NBPF9: variants seen among roughly 807,000 people sequenced by gnomAD.
The protein encoded by NBPF9 is NBPF family member NBPF9.
Under a neutral mutation model 97.8 loss-of-function variants are expected in NBPF9, and 91 were observed. The observed-to-expected ratio is 0.93, with a 90% CI of 0.79 to 1.11. The LOEUF (loss-of-function observed/expected upper bound fraction) is 1.11, where lower values mean the gene tolerates loss of function less well. Among genes scored for constraint, NBPF9 ranks in the 50% least tolerant of loss-of-function variants. The pLI, the probability that NBPF9 is intolerant of heterozygous loss-of-function variation, is 0.00. For missense variants in NBPF9, 992 were observed against 939.5 expected, an observed-to-expected ratio of 1.06 and a Z score of -0.73; for synonymous variants, 334 against 359.5, an observed-to-expected ratio of 0.93 and a Z score of 0.80.
intron 4 of NBPF9, among the ~76,000 whole-genome samples, chr1:149,094,839 A>C (rs1457097784): frequency 2.1e-5 from 3 of 144,134 alleles, no homozygotes; most frequent in Non-Finnish European, 4.4e-5. Context: ...GTCACAGCTC[A>C]CAGGGAAGAG....
chr1:149,070,990 G>T (rs1559526034), exon 16 of NBPF9: 8 of 1,612,346 alleles, frequency 5.0e-6, no homozygotes, highest in African/African-American at 1.3e-5. Flanking sequence ...GCCAATGAGA[G>T]TTGAGTCGAC....
chr1:149,099,507 G>T (rs2082005959), intron 3 of NBPF9, among the ~76,000 whole-genome samples: 1 of 152,074 alleles, frequency 6.6e-6, no homozygotes, highest in Non-Finnish European at 1.5e-5. Context: ...GCCAGGCAAG[G>T]TCAAGTACTG....
intron 20 of NBPF9, among the ~76,000 whole-genome samples, chr1:149,063,216 G>C (rs587635626): frequency 6.8e-5 from 9 of 131,600 alleles, no homozygotes; most frequent in African/African-American, 2.4e-4. Flanking sequence ...CCCCCAAATG[G>C]TTGCTAGGAG....
At chr1:149,097,801 C>G (rs1284939124) in intron 4 of NBPF9, among the ~76,000 whole-genome samples, 2 of 152,168 alleles carry the variant, frequency 1.3e-5, no homozygotes, top group Non-Finnish European at 2.9e-5. Flanking sequence ...AAGAAGGCGT[C>G]CACCACAAGG....
chr1:149,055,741 G>C (rs782157274), exon 30 of NBPF9: 5 of 1,611,822 alleles, frequency 3.1e-6, no homozygotes, highest in Non-Finnish European at 4.2e-6. Context: ...CACGTAAAGG[G>C]CGAAGCTGAT....
intron 5 of NBPF9, among the ~76,000 whole-genome samples, chr1:149,089,253 TGAG>T (rs1553659517): frequency 6.6e-6 from 1 of 152,116 alleles, no homozygotes; most frequent in Non-Finnish European, 1.5e-5. Context: ...AATGCCTTGG[TGAG>T]GAGAATGCCT....
chr1:149,082,699 C>T (rs1354220730), intron 5 of NBPF9, among the ~76,000 whole-genome samples: 1 of 144,892 alleles, frequency 6.9e-6, no homozygotes, highest in Non-Finnish European at 1.5e-5. Flanking sequence ...GAAACAGTTT[C>T]CCAACAGGTT....
chr1:149,063,553 T>G (rs2078784807), intron 20 of NBPF9, 80 bp downstream of exon 20: 1 of 693,334 alleles, frequency 1.4e-6, no homozygotes, highest in Non-Finnish European at 2.6e-6. Flanking sequence ...CTCAGCTCAG[T>G]AACGGCCACT....
At position 149,079,178 on chromosome 1, in the gene NBPF9, G is replaced by C. The variant is rs782039809; in HGVS notation, c.322C>G (p.Gln108Glu). The C allele has an allele frequency of 1.5e-5, 19 of 1,227,248 alleles. No individual in the cohort carries two copies. In the Middle Eastern group the frequency reaches 1.4e-3, roughly 88 times the overall value. 76.0% of individuals were successfully genotyped at this position (1,227,248 alleles called of 1,614,324 possible). A position where few individuals can be genotyped will look rare whatever the true frequency, so the allele number is the denominator to read the frequency against. ...CCTTCCCGTAACTTCTCCTTTAACT[G>C]CGTCAGCTCTCGTTCCTGAGAGTGA... Residue 108 changes from glutamine to glutamate, a missense_variant, in exon 9 of 30, where the codon CAG becomes GAG. Around this residue, in one of 11 missense-constraint regions of NBPF9, gnomAD observed 109 missense variants for 133.1 expected, o/e 0.82. Coordinates refer to ENST00000584027, the Ensembl canonical transcript of NBPF9.
Position 149,073,977 on chromosome 1 carries a change from A to G in NBPF9, c.989-107T>C, listed in dbSNP as rs2079635830. On this transcript the variant is annotated intron_variant, in intron 12 of 29. Transcript: ENST00000584027. ...CCATCCCAAGGACAAAACTCTCCCC[A>G]GTACCAGGGTCTAGACAGGGATTTC... The G allele has an allele frequency of 1.6e-5, 10 of 637,676 alleles. No homozygotes were observed. The South Asian group carries it at 1.8e-4, about 11-fold the overall frequency. 39.5% of individuals were successfully genotyped at this position (637,676 alleles called of 1,614,324 possible).
chr1:149,076,467 G>A (rs1343396709), intron 11 of NBPF9, among the ~76,000 whole-genome samples: 1 of 150,448 alleles, frequency 6.6e-6, no homozygotes, highest in Non-Finnish European at 1.5e-5. Flanking sequence ...AAAGTGTTGG[G>A]ATTAAGATGT....
intron 4 of NBPF9, among the ~76,000 whole-genome samples, chr1:149,095,682 G>C (rs2081710454): frequency 1.3e-5 from 2 of 150,694 alleles, no homozygotes; most frequent in Admixed American, 1.3e-4. Flanking sequence ...ATATACAGAT[G>C]GCAAATAAGC....
exon 30 of NBPF9, chr1:149,054,592 T>A (rs2078089776): frequency 2.0e-5 from 3 of 147,860 alleles, no homozygotes; most frequent in Admixed American, 1.4e-4. Context: ...CTGAATTTAA[T>A]CATGAAGACA....
At chr1:149,084,325 C>G (rs1433908463) in intron 5 of NBPF9, among the ~76,000 whole-genome samples, 1 of 146,418 alleles carries the variant, frequency 6.8e-6, no homozygotes, top group South Asian at 2.1e-4. Context: ...AATATATACA[C>G]ACACATGAAT....
chr1:149,068,487 A>T, intron 17 of NBPF9, among the ~76,000 whole-genome samples: 1 of 149,786 alleles, frequency 6.7e-6, no homozygotes, highest in South Asian at 2.1e-4. Context: ...CTAGTCTCTG[A>T]TAAAACAGAC....
rs1200823080 is a variant in NBPF9 at position 149,068,057 on chromosome 1, T to G, written c.1637+1537A>C. ...TCATAAGTGAAGGAGAAATAAATCC[T>G]TTACAGAGAAGCAAATGCTGACAGA... is the stretch of plus-strand genomic sequence containing the variant. On this transcript the variant is annotated intron_variant, in intron 17 of 29. Coordinates refer to ENST00000584027, the Ensembl canonical transcript of NBPF9. Among the ~76,000 whole-genome samples the G allele has an allele frequency of 2.0e-4, 29 of 146,584 alleles. 4 individuals carry two copies. Among genetic ancestry groups the G allele is most frequent in the African/African-American group, 7.5e-4 (29 of 38,438 alleles).
At chr1:149,082,945 A>G (rs1375555632) in intron 5 of NBPF9, among the ~76,000 whole-genome samples, 2 of 108,906 alleles carry the variant, frequency 1.8e-5, no homozygotes, top group Non-Finnish European at 3.8e-5. Context: ...ACGCCTGGCT[A>G]ATTTTTCTTT....
downstream of NBPF9, among the ~76,000 whole-genome samples, chr1:149,052,303 C>A (rs2077959660): frequency 6.6e-6 from 1 of 152,024 alleles, no homozygotes; most frequent in East Asian, 1.9e-4. Flanking sequence ...CAAATATAAG[C>A]TGCAGTTTGG....
chr1:149,090,394 A>AC (rs2081338504), intron 5 of NBPF9: 2 of 233,280 alleles, frequency 8.6e-6, no homozygotes, highest in South Asian at 1.2e-4. Flanking sequence ...CAATTCTATG[A>AC]CCATCTGTTT....
Sources: allele counts gnomAD v4.1 joint callset (sites outside exome capture counted in the v4.1 genomes callset), GRCh38; gene constraint gnomAD v4.1.1; regional missense constraint gnomAD v4.1.1; transcripts MANE v1.5; gene names NCBI Gene and HGNC (gene_info 2026-07-23, HGNC 2026-07-21).